Variants in ATP10D observed in about 807,000 individuals in gnomAD.
ATP10D encodes the protein ATPase phospholipid transporting 10D (putative), also known as phospholipid-transporting ATPase VD.
Under a neutral mutation model 144.8 loss-of-function variants are expected in ATP10D, and 89 were observed. The observed-to-expected ratio is 0.61, with a 90% CI of 0.52 to 0.73. The LOEUF is 0.73. ATP10D is among the 30% of genes least tolerant of loss of function. ATP10D has a pLI of 0.00. For missense variants in ATP10D, 1,603 were observed against 1,714.8 expected, an observed-to-expected ratio of 0.93 and a Z score of 1.15; for synonymous variants, 571 against 615.1, an observed-to-expected ratio of 0.93 and a Z score of 1.06.
intron 9 of ATP10D, 28 bp downstream of exon 9, chr4:47,536,966 A>G: frequency 1.9e-6 from 3 of 1,572,132 alleles, no homozygotes; most frequent in Non-Finnish European, 2.6e-6. Flanking sequence ...GTGAAAACCA[A>G]CCTTAGCATT....
At chr4:47,494,229 C>G (rs1352690687) in intron 1 of ATP10D, among the ~76,000 whole-genome samples, 1 of 152,012 alleles carries the variant, frequency 6.6e-6, no homozygotes, top group Non-Finnish European at 1.5e-5. Context: ...CTTTTTCCCC[C>G]CGGTTCTTTG....
chr4:47,570,302 C>T (rs143554111), intron 16 of ATP10D, among the ~76,000 whole-genome samples: 30 of 152,098 alleles, frequency 2.0e-4, no homozygotes, highest in African/African-American at 6.0e-4. Context: ...TCATAGGGAA[C>T]GCCAAAGTTA....
chr4:47,586,933 G>C, intron 21 of ATP10D, 86 bp from the exon 22 acceptor site: 1 of 1,208,640 alleles, frequency 8.3e-7, no homozygotes, highest in Non-Finnish European at 1.2e-6. Context: ...TAGATGTGTT[G>C]TCTCTTTAAT....
In ATP10D at chr4:47,536,695, C is replaced by A; in HGVS notation, c.1153C>A (p.Pro385Thr). The A allele has an allele frequency of 1.2e-6, 2 of 1,607,532 alleles. No homozygotes were observed. The highest frequency in any genetic ancestry group is 1.7e-6 in the Non-Finnish European group (2 of 1,177,480). Residue 385 changes from proline to threonine, a missense_variant, in exon 9 of 23, where the codon CCT (proline) becomes ACT (threonine). Physicochemically the swap from Pro to Thr is conservative, Grantham distance 38 (BLOSUM62 -1). Transcript: ENST00000273859. ...GTTTGGATCTTCTTAGGTCTTGATT[C>A]CTATTTCTCTCTATGTTTCCATCGA... ...TMIILLQVLIPISLYVSIEIV... is the reference protein window; with the variant it reads ...TMIILLQVLITISLYVSIEIV...
intron 18 of ATP10D, among the ~76,000 whole-genome samples, chr4:47,574,742 A>T (rs935983399): frequency 6.6e-6 from 1 of 152,056 alleles, no homozygotes; most frequent in Non-Finnish European, 1.5e-5. Context: ...TAGTGTATCT[A>T]TGATGACAAT....
In ATP10D at chr4:47,577,043, A is replaced by G. The variant is rs1720276172; in HGVS notation, c.3567+70A>G. On this transcript the variant is annotated intron_variant, in intron 19 of 22. Coordinates refer to ENST00000273859, the MANE Select transcript of ATP10D (RefSeq NM_020453.4). ...TCAAAGCCAGTGTGTTTTCTTAGTT[A>G]GCAAAATATTGCAGTCTACTCAGAA... The G allele has an allele frequency of 2.2e-6, 3 of 1,387,248 alleles. No individual in the cohort carries two copies. The Admixed American group carries it at 5.4e-5, about 25-fold the overall frequency. 85.9% of individuals were successfully genotyped at this position (1,387,248 alleles called of 1,614,324 possible). A position where few individuals can be genotyped will look rare whatever the true frequency, so the allele number is the denominator to read the frequency against.
intron 10 of ATP10D, among the ~76,000 whole-genome samples, chr4:47,548,927 A>G (rs577707238): frequency 2.9e-4 from 44 of 152,234 alleles, no homozygotes; most frequent in Admixed American, 1.3e-4. Flanking sequence ...TGTGGAGCCC[A>G]GGTTAAGAAT....
intron 1 of ATP10D, among the ~76,000 whole-genome samples, chr4:47,509,727 A>G (rs1716211570): frequency 6.6e-6 from 1 of 152,214 alleles, no homozygotes; most frequent in African/African-American, 2.4e-5. Context: ...CTATTTAGGA[A>G]CATGGATCTA....
intron 9 of ATP10D, among the ~76,000 whole-genome samples, chr4:47,540,073 T>C (rs1718057658): frequency 6.6e-6 from 1 of 152,204 alleles, no homozygotes; most frequent in African/African-American, 2.4e-5. Context: ...TGGTCTTTTT[T>C]ATGCAGTGGT....
At chr4:47,568,229 T>C (rs1437809044) in intron 15 of ATP10D, among the ~76,000 whole-genome samples, 1 of 152,240 alleles carries the variant, frequency 6.6e-6, no homozygotes, top group Non-Finnish European at 1.5e-5. Flanking sequence ...GCAAGTGCCA[T>C]GAGGGCAGGA....
At chr4:47,540,357 C>T (rs549002532) in intron 9 of ATP10D, among the ~76,000 whole-genome samples, 1 of 152,254 alleles carries the variant, frequency 6.6e-6, no homozygotes, top group Non-Finnish European at 1.5e-5. Flanking sequence ...CTTCTAGCTT[C>T]GAAATGTGTT....
chr4:47,504,210 C>T (rs192373909), intron 1 of ATP10D, among the ~76,000 whole-genome samples: 1 of 152,292 alleles, frequency 6.6e-6, no homozygotes, highest in Non-Finnish European at 1.5e-5. Context: ...TCACAAAAGC[C>T]CATATTAGAT....
chr4:47,493,848 T>A (rs7671616), intron 1 of ATP10D, among the ~76,000 whole-genome samples: 149,744 of 152,266 alleles, frequency 0.98, 73,684 homozygotes, highest in East Asian at 1. Flanking sequence ...CAAGCTCTCT[T>A]TGTGATTCTG....
At chr4:47,489,213 G>C (rs145621371) in intron 1 of ATP10D, among the ~76,000 whole-genome samples, 1 of 152,130 alleles carries the variant, frequency 6.6e-6, no homozygotes, top group South Asian at 2.1e-4. Flanking sequence ...AATCCCAGCA[G>C]AGCGATAAAT....
At chr4:47,522,980 CTTTT>C in intron 3 of ATP10D, 28 bp from the exon 4 acceptor site, 1 of 1,380,666 alleles carries the variant, frequency 7.2e-7, no homozygotes, top group Non-Finnish European at 9.9e-7. Flanking sequence ...ACTTGATATT[CTTTT>C]TTTTTTTTAA....
intron 19 of ATP10D, among the ~76,000 whole-genome samples, chr4:47,578,848 TA>T (rs1177391814): frequency 2.0e-5 from 3 of 152,128 alleles, no homozygotes; most frequent in Non-Finnish European, 4.4e-5. Flanking sequence ...AACGAAGGGA[TA>T]AAAAAGGATA....
At chr4:47,578,794 G>T (rs1372668605) in intron 19 of ATP10D, among the ~76,000 whole-genome samples, 1 of 152,178 alleles carries the variant, frequency 6.6e-6, no homozygotes, top group African/African-American at 2.4e-5. Flanking sequence ...ACAGAGAAAA[G>T]TGGACTGGAA....
intron 19 of ATP10D, 111 bp downstream of exon 19, chr4:47,577,084 G>C (rs1462594134): frequency 3.2e-6 from 3 of 940,012 alleles, no homozygotes; most frequent in Non-Finnish European, 4.8e-6. Context: ...TGAAATATCT[G>C]ATTGTTTTAA....
intron 21 of ATP10D, among the ~76,000 whole-genome samples, chr4:47,585,116 C>T (rs1414545620): frequency 5.3e-5 from 8 of 151,952 alleles, no homozygotes; most frequent in African/African-American, 1.9e-4. Flanking sequence ...TTCATACTTC[C>T]GATTATATCA....
Sources: gnomAD v4.1 joint callset for allele counts (sites outside exome capture counted in the v4.1 genomes callset) on GRCh38, gnomAD v4.1.1 for gene constraint, MANE v1.5 for transcripts, NCBI Gene and HGNC (gene_info 2026-07-23, HGNC 2026-07-21) for gene names.